RBPMS: variants seen among roughly 807,000 people sequenced by gnomAD.
The protein encoded by RBPMS is RNA-binding protein with multiple splicing.
RBPMS carries 7 observed loss-of-function variants against 26.8 expected under a neutral mutation model. The ratio of observed to expected loss-of-function variants is 0.26; its 90% CI spans 0.15 to 0.49. The LOEUF (loss-of-function observed/expected upper bound fraction) is 0.49, where lower values mean the gene tolerates loss of function less well. RBPMS is among the 20% of genes least tolerant of loss of function. RBPMS has a pLI of 0.98. For missense variants in RBPMS, 186 were observed against 250.0 expected, an observed-to-expected ratio of 0.74 and a Z score of 1.73; for synonymous variants, 96 against 93.3, an observed-to-expected ratio of 1.03 and a Z score of -0.17.
intron 1 of RBPMS, among the ~76,000 whole-genome samples, chr8:30,452,428 G>A (rs1019332667): frequency 6.6e-6 from 1 of 152,168 alleles, no homozygotes; most frequent in East Asian, 1.9e-4. Context: ...GTTGGAGGTA[G>A]AATATCACCA....
chr8:30,427,168 GTTC>G (rs944567272), intron 1 of RBPMS, among the ~76,000 whole-genome samples: 1 of 152,118 alleles, frequency 6.6e-6, no homozygotes, highest in Admixed American at 6.5e-5. Flanking sequence ...TTCAGCTATT[GTTC>G]TTAATGTCTT....
chr8:30,488,526 T>G (rs1327814394), intron 4 of RBPMS, among the ~76,000 whole-genome samples: 1 of 152,156 alleles, frequency 6.6e-6, no homozygotes, highest in Non-Finnish European at 1.5e-5. Context: ...TCACACCTCT[T>G]AGAATGCTCA....
chr8:30,544,961 T>C (rs752646933), intron 6 of RBPMS: 95 of 1,459,174 alleles, frequency 6.5e-5, no homozygotes, highest in Admixed American at 2.4e-4. Flanking sequence ...CGTGTGTGCC[T>C]TGTGTGGAAG....
chr8:30,475,654 G>A (rs761540561), intron 2 of RBPMS, among the ~76,000 whole-genome samples: 1 of 152,204 alleles, frequency 6.6e-6, no homozygotes, highest in Non-Finnish European at 1.5e-5. Flanking sequence ...AGTGATAGAG[G>A]CATGACAGGT....
chr8:30,551,700 C>T (rs991674921), intron 6 of RBPMS, among the ~76,000 whole-genome samples: 12 of 152,148 alleles, frequency 7.9e-5, no homozygotes, highest in Admixed American at 7.2e-4. Context: ...TTAACAACCG[C>T]GTGGCCCAAC....
chr8:30,475,639 T>C (rs1817604842), intron 2 of RBPMS, among the ~76,000 whole-genome samples: 1 of 152,132 alleles, frequency 6.6e-6, no homozygotes, highest in South Asian at 2.1e-4. Context: ...CTGAAGCAGG[T>C]CCCCAGTGAT....
chr8:30,441,779 T>A (rs34004445), intron 1 of RBPMS, among the ~76,000 whole-genome samples: 2,822 of 152,300 alleles, frequency 0.019, 34 homozygotes, highest in Middle Eastern at 0.058. Flanking sequence ...ATTCGTGGAT[T>A]CTCTTAATAC....
At chr8:30,468,709 C>CT (rs1816775789) in intron 1 of RBPMS, among the ~76,000 whole-genome samples, 2 of 152,188 alleles carry the variant, frequency 1.3e-5, no homozygotes, top group Non-Finnish European at 2.9e-5. Context: ...CCTTCAAACT[C>CT]TAAAATGCCC....
At chr8:30,473,172 C>T (rs566152236) in intron 1 of RBPMS, among the ~76,000 whole-genome samples, 1 of 152,066 alleles carries the variant, frequency 6.6e-6, no homozygotes, top group South Asian at 2.1e-4. Flanking sequence ...TGTGTTTGAC[C>T]CTAAGCTTCT....
chr8:30,556,660 G>A, intron 6 of RBPMS: 1 of 986,014 alleles, frequency 1.0e-6, no homozygotes, highest in East Asian at 1.1e-4. Flanking sequence ...GTGTTTAGGT[G>A]TCCAGCCCCC....
rs909384440 is a variant in RBPMS, at chr8:30,571,466, C to T, written c.*941C>T. On this transcript the variant is annotated 3_prime_UTR_variant, in exon 9 of 9. Coordinates refer to ENST00000397323, the MANE Select transcript of RBPMS (RefSeq NM_001008710.3). ...AGCCTGCCTCACTGGTAAGGGAAAA[C>T]CTTGGCTTGGGAGGCCAGCCCTGGC... 3 of 152,290 alleles carry T rather than the reference C, an allele frequency of 2.0e-5. No individual in the cohort carries two copies. Among genetic ancestry groups the T allele is most frequent in the African/African-American group, 7.2e-5 (3 of 41,474 alleles). 9.4% of individuals were successfully genotyped at this position (152,290 alleles called of 1,614,324 possible).
At chr8:30,569,710 G>A (rs945156963) in intron 8 of RBPMS, among the ~76,000 whole-genome samples, 1 of 144,146 alleles carries the variant, frequency 6.9e-6, no homozygotes, top group African/African-American at 3.0e-5. Flanking sequence ...GATGGTGATG[G>A]TGGAGTGGAA....
chr8:30,528,868 T>TA (rs1823891521), intron 5 of RBPMS, among the ~76,000 whole-genome samples: 1 of 152,024 alleles, frequency 6.6e-6, no homozygotes, highest in South Asian at 2.1e-4. Flanking sequence ...TCACATACCA[T>TA]ACAATTTAAA....
At position 30,419,543 on chromosome 8, in the gene RBPMS, G is replaced by A. The variant is rs1810513000; in HGVS notation, c.66+34385G>A. Among the ~76,000 whole-genome samples, 4 of 151,458 alleles carry A rather than the reference G, an allele frequency of 2.6e-5. 1 individual carries two copies. The South Asian group carries it at 8.3e-4, about 32-fold the overall frequency. ...CTAATCTCAAAATGCCCCACAATCT[G>A]AAGCTTTTTGAGCACTGACGTACCA... On this transcript the variant is annotated intron_variant, in intron 1 of 8. Transcript: ENST00000397323.
intron 1 of RBPMS, among the ~76,000 whole-genome samples, chr8:30,431,999 A>G (rs1327421794): frequency 6.6e-6 from 1 of 151,890 alleles, no homozygotes; most frequent in Non-Finnish European, 1.5e-5. Flanking sequence ...ATGATGGCAT[A>G]TATCTGAGGT....
At chr8:30,414,003 A>G (rs1809765981) in intron 1 of RBPMS, among the ~76,000 whole-genome samples, 1 of 152,164 alleles carries the variant, frequency 6.6e-6, no homozygotes, top group African/African-American at 2.4e-5. Context: ...CAGCCTCCCA[A>G]AGTGCTGGGA....
chr8:30,529,045 C>T (rs1046142645), intron 5 of RBPMS, among the ~76,000 whole-genome samples: 52 of 151,608 alleles, frequency 3.4e-4, no homozygotes, highest in African/African-American at 1.2e-3. Context: ...GTAAAGCCCA[C>T]GTCTCTACCA....
At chr8:30,537,533 CAT>C (rs765299705) in intron 5 of RBPMS, 9 of 454,448 alleles carry the variant, frequency 2.0e-5, no homozygotes, top group Non-Finnish European at 3.5e-5. Context: ...ATGAGAAAGA[CAT>C]AGAGAATATG....
chr8:30,390,097 T>C (rs890943736), intron 1 of RBPMS, among the ~76,000 whole-genome samples: 11 of 152,252 alleles, frequency 7.2e-5, no homozygotes, highest in African/African-American at 2.7e-4. Context: ...AAACATTAAT[T>C]GTATCTAATT....
Sources: gnomAD v4.1 joint callset for allele counts (sites outside exome capture counted in the v4.1 genomes callset) on GRCh38, gnomAD v4.1.1 for gene constraint, MANE v1.5 for transcripts, NCBI Gene and HGNC (gene_info 2026-07-23, HGNC 2026-07-21) for gene names.